ATRN: variants seen among roughly 807,000 people sequenced by gnomAD.
ATRN encodes the protein attractin.
A neutral mutation model predicts 178.7 loss-of-function variants in ATRN; 54 were observed. The ratio of observed to expected loss-of-function variants is 0.30; its 90% CI spans 0.24 to 0.38. The LOEUF is 0.38. Among genes scored for constraint, ATRN ranks in the 10% least tolerant of loss-of-function variants. The pLI is 1.00. For synonymous variants in ATRN, 636 were observed against 663.0 expected, an observed-to-expected ratio of 0.96 and a Z score of 0.63; for missense variants, 1,443 against 1,815.1, an observed-to-expected ratio of 0.79 and a Z score of 3.73.
At chr20:3,603,303 C>T (rs964063770) in intron 23 of ATRN, among the ~76,000 whole-genome samples, 9 of 152,096 alleles carry the variant, frequency 5.9e-5, no homozygotes, top group Non-Finnish European at 1.2e-4. Flanking sequence ...GAGTCTGGCG[C>T]ATTGCCAAGG....
chr20:3,485,897 G>A (rs2084687379), intron 1 of ATRN, among the ~76,000 whole-genome samples: 1 of 152,046 alleles, frequency 6.6e-6, no homozygotes, highest in South Asian at 2.1e-4. Flanking sequence ...TGGGATTACA[G>A]GCATAAGCCA....
chr20:3,597,777 C>T lies in ATRN; in HGVS notation c.3470-129C>T. 4 of 565,632 alleles carry T rather than the reference C, an allele frequency of 7.1e-6. No homozygotes were observed. The South Asian group carries it at 1.0e-4, about 14-fold the overall frequency. The allele number at this position is 565,632 out of a possible 1,614,324, so 35.0% of individuals were successfully genotyped here. A position where few individuals can be genotyped will look rare whatever the true frequency, so the allele number is the denominator to read the frequency against. ...CACAGACTTGATTTTCTTTGAGGAA[C>T]CTGGGTACAGCTGAGTTAAAGTGCT... On this transcript the variant is annotated intron_variant, in intron 21 of 28. Coordinates refer to ENST00000262919, the MANE Select transcript of ATRN (RefSeq NM_139321.3).
At chr20:3,528,006 C>T (rs550977909) in intron 1 of ATRN, among the ~76,000 whole-genome samples, 71 of 152,022 alleles carry the variant, frequency 4.7e-4, no homozygotes, top group African/African-American at 1.4e-3. Context: ...CACCATGGCA[C>T]GTGTGTACCT....
At chr20:3,558,276 G>A (rs572596590) in intron 6 of ATRN, among the ~76,000 whole-genome samples, 155 of 152,164 alleles carry the variant, frequency 1.0e-3, no homozygotes, top group African/African-American at 3.6e-3. Context: ...TGAGATTTAT[G>A]TTGACATATG....
At chr20:3,537,504 ATTTTTTTATTTTAT>A (rs2085553887) in intron 2 of ATRN, among the ~76,000 whole-genome samples, 2 of 139,160 alleles carry the variant, frequency 1.4e-5, no homozygotes, top group Admixed American at 7.1e-5. Flanking sequence ...TTTTTTTTAC[ATTTTTTTATTTTAT>A]TTTTTTATTA....
chr20:3,575,830 T>C lies in ATRN; in HGVS notation c.2096T>C (p.Leu699Pro). 1.9e-6 allele frequency: 3 copies of C among 1,608,806 alleles called. No individual in the cohort carries two copies. The highest frequency in any genetic ancestry group is 2.5e-6 in the Non-Finnish European group (3 of 1,177,466). ...LKSECFSKRTLDHDRCDQHTD... is the reference protein window; with the variant it reads ...LKSECFSKRTPDHDRCDQHTD... ...TGAGATTTTGTTTTCTTTGCAGCTCTTGACCATGACAGATGTGACCAGCAC... is the reference window on the plus strand; with the variant it reads ...TGAGATTTTGTTTTCTTTGCAGCTCCTGACCATGACAGATGTGACCAGCAC... The change falls in exon 13 of 29, where the codon CTT becomes CCT. Residue 699 changes from leucine (L) to proline (P), a missense_variant. This residue lies in a region of ATRN where 862 missense variants were observed against 972.1 expected (regional missense o/e 0.89). Transcript: ENST00000262919.
chr20:3,648,322 G>A lies in ATRN; in HGVS notation c.*1475G>A, dbSNP rs529898034. The A allele has an allele frequency of 6.5e-6, 1 of 152,684 alleles. No homozygotes were observed. The highest frequency in any genetic ancestry group is 2.4e-5 in the African/African-American group (1 of 41,562). The allele number at this position is 152,684 out of a possible 1,614,324, so 9.5% of individuals were successfully genotyped here. ...AAAATGACCAAATTTAAGAGGGTGG[G>A]ACAGTCCCCTGCTCCTCTCCCAGAG... On this transcript the variant is annotated 3_prime_UTR_variant, in exon 29 of 29. Coordinates refer to ENST00000262919, the MANE Select transcript of ATRN (RefSeq NM_139321.3).
At position 3,645,996 on chromosome 20, in the gene ATRN, T is replaced by A. The variant is rs2087105166; in HGVS notation, c.4166-727T>A. Reference sequence around the variant, plus strand: ...GTGGGCGGCGGGGCAGTGATGAGCATAAAGGGTAGTTGCTATTGATCGTGG... The same window carrying A: ...GTGGGCGGCGGGGCAGTGATGAGCAAAAAGGGTAGTTGCTATTGATCGTGG... On this transcript the variant is annotated intron_variant, in intron 28 of 28. Coordinates refer to ENST00000262919, the MANE Select transcript of ATRN (RefSeq NM_139321.3). This position sits in a 1 kb window ranked among gnomAD's most constrained non-coding sequence, Gnocchi z 4.7. 6.6e-6 allele frequency among the ~76,000 whole-genome samples: 1 copy of A among 152,134 alleles called. No individual in the cohort carries two copies. Among genetic ancestry groups the A allele is most frequent in the Non-Finnish European group, 1.5e-5 (1 of 68,030 alleles).
chr20:3,612,015 C>G (rs1035600937), intron 24 of ATRN, among the ~76,000 whole-genome samples: 1 of 152,256 alleles, frequency 6.6e-6, no homozygotes, highest in East Asian at 1.9e-4. Flanking sequence ...AAATGAAAAC[C>G]AGTGTTCTCA....
chr20:3,551,185 A>G (rs984393802), intron 6 of ATRN, among the ~76,000 whole-genome samples: 2 of 152,202 alleles, frequency 1.3e-5, no homozygotes, highest in African/African-American at 4.8e-5. Flanking sequence ...ACTATGCTCT[A>G]TCCCCAGGAT....
chr20:3,597,840 T>C, intron 21 of ATRN, 66 bp from the exon 22 acceptor site: 1 of 970,492 alleles, frequency 1.0e-6, no homozygotes, highest in Non-Finnish European at 1.6e-6. Context: ...GCAGCCTGTA[T>C]CTCTAAAGAC....
At chr20:3,609,725 TG>T (rs2086735589) in intron 24 of ATRN, among the ~76,000 whole-genome samples, 1 of 149,588 alleles carries the variant, frequency 6.7e-6, no homozygotes, top group East Asian at 1.9e-4. Context: ...TGTGTGTGTG[TG>T]TGTGTGTGTG....
At chr20:3,472,601 T>C (rs1568673861) in intron 1 of ATRN, among the ~76,000 whole-genome samples, 1 of 152,170 alleles carries the variant, frequency 6.6e-6, no homozygotes, top group Non-Finnish European at 1.5e-5. Flanking sequence ...AACAGCGTGG[T>C]CTGATAGAGA....
Position 3,597,994 on chromosome 20 carries a change from T to A in ATRN, c.3558T>A (p.Pro1186=). ...CAGCTATCAATTTTGTGGCTACTCC[T>A]GACGAAGTAAGATTTTTTAAAGTCT... is the stretch of plus-strand genomic sequence containing the variant. ...YYTAINFVAT[P]DEQNRDLDMF... Residue 1186 remains proline (P), a synonymous_variant, in exon 22 of 29, where the codon CCT becomes CCA. Transcript: ENST00000262919. 1.2e-6 allele frequency: 2 copies of A among 1,603,140 alleles called. No homozygotes were observed. The highest frequency in any genetic ancestry group is 1.7e-6 in the Non-Finnish European group (2 of 1,170,566).
intron 1 of ATRN, among the ~76,000 whole-genome samples, chr20:3,524,248 A>G (rs2085334155): frequency 6.6e-6 from 1 of 151,970 alleles, no homozygotes; most frequent in Admixed American, 6.6e-5. Flanking sequence ...AAAAAAAAAA[A>G]AGCAGGGGTT....
At chr20:3,623,548 A>G (rs188113671) in intron 24 of ATRN, among the ~76,000 whole-genome samples, 77 of 152,308 alleles carry the variant, frequency 5.1e-4, no homozygotes, top group African/African-American at 1.5e-3. Flanking sequence ...TGGTGGGACT[A>G]GGAAAGCAGA....
intron 1 of ATRN, among the ~76,000 whole-genome samples, chr20:3,510,451 T>C (rs2085109553): frequency 6.6e-6 from 1 of 152,258 alleles, no homozygotes; most frequent in Non-Finnish European, 1.5e-5. Flanking sequence ...ACAGCAGGCC[T>C]GATTTGGCCT....
Position 3,592,600 on chromosome 20 carries a change from G to A in ATRN, c.3322+1294G>A, listed in dbSNP as rs567052098. 10 of 592,132 alleles carry A rather than the reference G, an allele frequency of 1.7e-5. No individual in the cohort carries two copies. In the South Asian group the frequency reaches 6.7e-4, roughly 40 times the overall value. The allele number at this position is 592,132 out of a possible 1,614,324, so 36.7% of individuals were successfully genotyped here. A position where few individuals can be genotyped will look rare whatever the true frequency, so the allele number is the denominator to read the frequency against. On this transcript the variant is annotated intron_variant, in intron 19 of 28. Transcript: ENST00000262919. ...AAAGACTTTTCAAAGTTCTGAGCAG[G>A]AAAAGTAAACAACATAGGGAAATCT...
chr20:3,607,102 T>A (rs546927076), intron 24 of ATRN, among the ~76,000 whole-genome samples: 2 of 152,344 alleles, frequency 1.3e-5, no homozygotes, highest in African/African-American at 4.8e-5. Context: ...AATGTATTTT[T>A]AATTTTACTT....
Sources: gnomAD v4.1 joint callset for allele counts (sites outside exome capture counted in the v4.1 genomes callset) on GRCh38, gnomAD v4.1.1 for gene constraint, gnomAD v4.1.1 regional missense constraint, Gnocchi (gnomAD v3.1) non-coding constraint, MANE v1.5 for transcripts, NCBI Gene and HGNC (gene_info 2026-07-23, HGNC 2026-07-21) for gene names.